The following SERPIND1 variants were observed in gnomAD, a reference collection of about 807,000 sequenced individuals.
The protein encoded by SERPIND1 is serpin family D member 1, also known as heparin cofactor 2.
SERPIND1 carries 34 observed loss-of-function variants against 35.0 expected under a neutral mutation model. The observed-to-expected ratio is 0.97, with a 90% confidence interval of 0.74 to 1.29. The LOEUF (loss-of-function observed/expected upper bound fraction) is 1.29, where lower values mean the gene tolerates loss of function less well. Ranked by LOEUF, SERPIND1 falls within the 50% of genes most tolerant of loss-of-function variation. The pLI is 0.00. For missense variants in SERPIND1, 633 were observed against 637.7 expected, an observed-to-expected ratio of 0.99 and a Z score of 0.08; for synonymous variants, 236 against 241.1, an observed-to-expected ratio of 0.98 and a Z score of 0.19.
rs759305858 is a variant in SERPIND1, at chr22:20,780,245, C to G, written c.889+44C>G. 7 of 1,613,374 alleles carry G rather than the reference C, an allele frequency of 4.3e-6. No individual in the cohort carries two copies. The African/African-American group carries it at 8.0e-5, about 18-fold the overall frequency. ...GTTCTCACAGCAAACCCACAACATACTATTTTTGTATGTGGGTAGATTGAA... is the reference window on the plus strand; with the variant it reads ...GTTCTCACAGCAAACCCACAACATAGTATTTTTGTATGTGGGTAGATTGAA... On this transcript the variant is annotated intron_variant, in intron 2 of 4. Transcript: ENST00000215727.
chr22:20,784,892 GACAAGAAT>G (rs970411822), intron 3 of SERPIND1, among the ~76,000 whole-genome samples: 2 of 152,044 alleles, frequency 1.3e-5, no homozygotes, highest in African/African-American at 2.4e-5. Flanking sequence ...CTCCTTATAG[GACAAGAAT>G]ACAAACATAT....
chr22:20,787,421 C>T lies in SERPIND1; in HGVS notation c.*355C>T, dbSNP rs1308747724. 1 of 361,744 alleles carries T rather than the reference C, an allele frequency of 2.8e-6. No individual in the cohort carries two copies. Among genetic ancestry groups the T allele is most frequent in the Admixed American group, 4.0e-5 (1 of 25,076 alleles). 22.4% of individuals were successfully genotyped at this position (361,744 alleles called of 1,614,324 possible). On this transcript the variant is annotated 3_prime_UTR_variant, in exon 5 of 5. Transcript: ENST00000215727. ...ACCTGACTCTGTCACTCAAGCCTTT[C>T]TCCACCAGGCCCCTCATCTGAATAC...
At chr22:20,779,240 G>A in intron 1 of SERPIND1, 57 bp from the exon 2 acceptor site, 3 of 1,608,374 alleles carry the variant, frequency 1.9e-6, no homozygotes, top group Non-Finnish European at 1.7e-6. Context: ...TGTGGATGCT[G>A]CAGCGGGGTG....
At chr22:20,775,893 T>A (rs1161455787) in intron 1 of SERPIND1, among the ~76,000 whole-genome samples, 1 of 152,152 alleles carries the variant, frequency 6.6e-6, no homozygotes, top group Non-Finnish European at 1.5e-5. Context: ...CTTTCTTTGT[T>A]CCTGACTTTT....
In SERPIND1 at chr22:20,786,977, G is replaced by A. The variant is rs201814439; in HGVS notation, c.1411G>A (p.Val471Ile). The stretch of plus-strand genomic sequence containing the variant: ...GCTGTCCACCCAAGTCCGCTTCACT[G>A]TCGACCGCCCCTTTCTTTTCCTCAT... ...MPLSTQVRFT[V>I]DRPFLFLIYE... The change falls in exon 5 of 5, where the codon GTC becomes ATC. Residue 471 changes from valine to isoleucine, a missense_variant. By Grantham distance (29) the Val-to-Ile change is conservative. Coordinates refer to ENST00000215727, the MANE Select transcript of SERPIND1 (RefSeq NM_000185.4). 1 of 1,614,188 alleles carries A rather than the reference G, an allele frequency of 6.2e-7. No homozygotes were observed. The highest frequency in any genetic ancestry group is 1.3e-5 in the African/African-American group (1 of 75,040).
rs757248078 is a variant in SERPIND1 at position 20,779,853 on chromosome 22, T to G, written c.541T>G (p.Leu181Val). The G allele has an allele frequency of 6.2e-7, 1 of 1,614,224 alleles. No individual in the cohort carries two copies. Among genetic ancestry groups the G allele is most frequent in the Non-Finnish European group, 8.5e-7 (1 of 1,180,036 alleles). Residue 181 changes from leucine to valine, a missense_variant, in exon 2 of 5, where the codon TTG (leucine) becomes GTG (valine). Transcript: ENST00000215727. ...GETHEQVHSI[L>V]HFKDFVNASS... Reference sequence around the variant, plus strand: ...GACCCATGAACAAGTGCACTCGATTTTGCATTTTAAAGACTTTGTTAATGC... The same window carrying G: ...GACCCATGAACAAGTGCACTCGATTGTGCATTTTAAAGACTTTGTTAATGC...
chr22:20,783,896 C>G (rs761969789), intron 2 of SERPIND1, 76 bp from the exon 3 acceptor site: 1 of 1,601,148 alleles, frequency 6.2e-7, no homozygotes, highest in Non-Finnish European at 8.6e-7. Flanking sequence ...CCAGGGAAAT[C>G]AGATTCACTC....
At chr22:20,785,954 T>C (rs1356431598) in intron 3 of SERPIND1, 50 bp from the exon 4 acceptor site, 1 of 1,613,478 alleles carries the variant, frequency 6.2e-7, no homozygotes. Flanking sequence ...ATGATTCTTT[T>C]GTAACTTGTG....
chr22:20,785,414 C>T (rs933374142), intron 3 of SERPIND1, among the ~76,000 whole-genome samples: 2 of 152,150 alleles, frequency 1.3e-5, no homozygotes, highest in Non-Finnish European at 2.9e-5. Flanking sequence ...AAGGTATGAG[C>T]TAGGTAAAAG....
chr22:20,786,867 C>A lies in SERPIND1; in HGVS notation c.1309-8C>A, dbSNP rs936049285. On this transcript the variant is annotated splice_region_variant and splice_polypyrimidine_tract_variant and intron_variant, in intron 4 of 4. Transcript: ENST00000215727. ...CTCCAGAATCTGACAACTTTCCTTT[C>A]CAAACAGTTCAAGCACCAAGGCACG... is the stretch of plus-strand genomic sequence containing the variant. The A allele has an allele frequency of 1.9e-6, 3 of 1,614,004 alleles. No individual in the cohort carries two copies. Among genetic ancestry groups the A allele is most frequent in the Non-Finnish European group, 2.5e-6 (3 of 1,180,006 alleles).
chr22:20,774,296 A>G (rs1042602330), intron 1 of SERPIND1, among the ~76,000 whole-genome samples, 151 bp downstream of exon 1: 1 of 152,242 alleles, frequency 6.6e-6, no homozygotes, highest in Non-Finnish European at 1.5e-5. Context: ...CAGTGTGCCT[A>G]TTATAAAATT....
Position 20,779,684 on chromosome 22 carries a change from G to C in SERPIND1, c.372G>C (p.Gln124His). ...TTTTTCATGGCAAGAGCCGGATCCA[G>C]CGTCTTAACATCCTCAACGCCAAGT... ...LQLFHGKSRI[Q>H]RLNILNAKFA... Residue 124 changes from glutamine (Q) to histidine (H), a missense_variant, in exon 2 of 5, where the codon CAG (glutamine) becomes CAC (histidine). Coordinates refer to ENST00000215727, the MANE Select transcript of SERPIND1 (RefSeq NM_000185.4). 1.9e-6 allele frequency: 3 copies of C among 1,614,206 alleles called. No individual in the cohort carries two copies. Among genetic ancestry groups the C allele is most frequent in the Non-Finnish European group, 2.5e-6 (3 of 1,179,996 alleles).
chr22:20,784,375 C>T, intron 3 of SERPIND1, 130 bp downstream of exon 3: 1 of 1,249,814 alleles, frequency 8.0e-7, no homozygotes, highest in South Asian at 1.3e-5. Context: ...CATACAGGGC[C>T]ACTCTGTTAA....
rs1933564703 is a variant in SERPIND1, at chr22:20,779,399, G to C, written c.87G>C (p.Glu29Asp). 1 of 1,614,226 alleles carries C rather than the reference G, an allele frequency of 6.2e-7. No homozygotes were observed. The highest frequency in any genetic ancestry group is 1.1e-5 in the South Asian group (1 of 91,086). Residue 29 changes from glutamate (E) to aspartate (D), a missense_variant, in exon 2 of 5, where the codon GAG becomes GAC. Coordinates refer to ENST00000215727, the MANE Select transcript of SERPIND1 (RefSeq NM_000185.4). ...GCAAAGGCCCGCTGGATCAGCTAGA[G>C]AAAGGAGGGGAAACTGCTCAGTCTG... Reference protein sequence around the residue: ...GGSKGPLDQLEKGGETAQSAD... With the variant: ...GGSKGPLDQLDKGGETAQSAD...
intron 1 of SERPIND1, among the ~76,000 whole-genome samples, chr22:20,775,042 G>T (rs1281582266): frequency 2.0e-5 from 3 of 152,080 alleles, no homozygotes; most frequent in Non-Finnish European, 4.4e-5. Context: ...ACTTTAGGCA[G>T]TTACTTCTCT....
chr22:20,779,817 C>T lies in SERPIND1; in HGVS notation c.505C>T (p.Leu169=). The T allele has an allele frequency of 6.2e-7, 1 of 1,614,194 alleles. No individual in the cohort carries two copies. ...STAMGMISLG[L]KGETHEQVHS... ...TGCGATGGGTATGATTTCCTTAGGT[C>T]TGAAGGGAGAGACCCATGAACAAGT... Residue 169 remains leucine (L), a synonymous_variant, in exon 2 of 5, where the codon CTG becomes TTG. Coordinates refer to ENST00000215727, the MANE Select transcript of SERPIND1 (RefSeq NM_000185.4).
At chr22:20,779,097 A>G in intron 1 of SERPIND1, 200 bp from the exon 2 acceptor site, 1 of 1,229,978 alleles carries the variant, frequency 8.1e-7, no homozygotes, top group Non-Finnish European at 1.1e-6. Flanking sequence ...TCCTTCATTG[A>G]GGTTTATGAG....
intron 1 of SERPIND1, among the ~76,000 whole-genome samples, chr22:20,774,500 C>A (rs560878319): frequency 1.3e-5 from 2 of 152,288 alleles, no homozygotes; most frequent in African/African-American, 4.8e-5. Context: ...CAGTGGCTCA[C>A]GCCTGTAATC....
At chr22:20,786,423 T>C (rs1277038949) in intron 4 of SERPIND1, among the ~76,000 whole-genome samples, 1 of 152,142 alleles carries the variant, frequency 6.6e-6, no homozygotes, top group Non-Finnish European at 1.5e-5. Context: ...AGGGGAGACA[T>C]GTGCTGCGGT....
Sources: gnomAD v4.1 joint callset for allele counts (sites outside exome capture counted in the v4.1 genomes callset) on GRCh38, gnomAD v4.1.1 for gene constraint, MANE v1.5 for transcripts, NCBI Gene and HGNC (gene_info 2026-07-23, HGNC 2026-07-21) for gene names.